PDZRN4: variants seen among roughly 807,000 people sequenced by gnomAD.
The protein encoded by PDZRN4 is PDZ domain-containing RING finger protein 4.
PDZRN4 carries 70 observed loss-of-function variants against 99.0 expected under a neutral mutation model. The ratio of observed to expected loss-of-function variants is 0.71; its 90% confidence interval spans 0.58 to 0.86. The LOEUF (loss-of-function observed/expected upper bound fraction) is 0.86. Ranked by LOEUF, PDZRN4 falls within the 40% of genes least tolerant of loss-of-function variation. The pLI is 0.00. For synonymous variants in PDZRN4, 551 were observed against 501.6 expected (o/e 1.10, Z -1.32); for missense variants, 1,474 against 1,331.2 (o/e 1.11, Z -1.67).
rs200348330 is a variant in PDZRN4 at position 41,311,272 on chromosome 12, T to A, written c.843+117084T>A. On this transcript the variant is annotated intron_variant, in intron 3 of 9. Coordinates refer to ENST00000402685, the MANE Select transcript of PDZRN4 (RefSeq NM_001164595.2). The stretch of plus-strand genomic sequence containing the variant: ...ATGTCTATGCTATAAGCAATGAGAA[T>A]TTTTTTTTTTCAGAAAAAAAAATCC... Among the ~76,000 whole-genome samples, 4 of 1,202 alleles carry A rather than the reference T, an allele frequency of 3.3e-3. No homozygotes were observed. The Non-Finnish European group carries it at 0.4, about 120-fold the overall frequency. The allele number at this position is 1,202 out of a possible 152,430, so 0.8% of individuals were successfully genotyped here. A position where few individuals can be genotyped will look rare whatever the true frequency, so the allele number is the denominator to read the frequency against.
At chr12:41,355,054 A>G (rs1186578983) in intron 3 of PDZRN4, among the ~76,000 whole-genome samples, 1 of 151,986 alleles carries the variant, frequency 6.6e-6, no homozygotes, top group Non-Finnish European at 1.5e-5. Flanking sequence ...GCCACCGACT[A>G]AGTGTTTGCT....
At chr12:41,197,569 G>C (rs921926404) in intron 3 of PDZRN4, among the ~76,000 whole-genome samples, 3 of 152,136 alleles carry the variant, frequency 2.0e-5, no homozygotes, top group Admixed American at 1.3e-4. Context: ...GTTACACTAG[G>C]TGTCAAAATA....
intron 3 of PDZRN4, among the ~76,000 whole-genome samples, chr12:41,288,650 C>T (rs1951436885): frequency 6.6e-6 from 1 of 152,084 alleles, no homozygotes; most frequent in African/African-American, 2.4e-5. Flanking sequence ...TCAATAAATC[C>T]TCACTGTTGT....
intron 3 of PDZRN4, among the ~76,000 whole-genome samples, chr12:41,254,076 A>C (rs1018883419): frequency 6.6e-6 from 1 of 151,506 alleles, no homozygotes; most frequent in Non-Finnish European, 1.5e-5. Flanking sequence ...TGTGTTTATT[A>C]CCTTTGAACT....
chr12:41,455,008 A>G (rs1336562265), intron 3 of PDZRN4, among the ~76,000 whole-genome samples: 1 of 152,256 alleles, frequency 6.6e-6, no homozygotes, highest in Non-Finnish European at 1.5e-5. Flanking sequence ...TTCAGTTGCC[A>G]CATGTGGCTA....
intron 3 of PDZRN4, among the ~76,000 whole-genome samples, chr12:41,272,439 T>C (rs1310189409): frequency 1.3e-5 from 2 of 152,240 alleles, no homozygotes; most frequent in East Asian, 1.9e-4. Context: ...GTTTGACTTA[T>C]TAATTTTAAA....
At chr12:41,379,572 C>T (rs2121098872) in intron 3 of PDZRN4, among the ~76,000 whole-genome samples, 1 of 151,684 alleles carries the variant, frequency 6.6e-6, no homozygotes, top group South Asian at 2.1e-4. Flanking sequence ...TTGTTCATAT[C>T]ACAATTTTTT....
chr12:41,259,371 T>C (rs1482061362), intron 3 of PDZRN4, among the ~76,000 whole-genome samples: 1 of 151,896 alleles, frequency 6.6e-6, no homozygotes, highest in Admixed American at 6.6e-5. Context: ...AGATGCAGAG[T>C]GAGGGACATG....
intron 3 of PDZRN4, among the ~76,000 whole-genome samples, chr12:41,453,194 CCCCCCG>C (rs1952789383): frequency 6.6e-6 from 1 of 152,094 alleles, no homozygotes; most frequent in Non-Finnish European, 1.5e-5. Flanking sequence ...GCAGCCCATG[CCCCCCG>C]CCCCTGGGGG....
chr12:41,253,160 C>T (rs1415983216), intron 3 of PDZRN4, among the ~76,000 whole-genome samples: 1 of 152,128 alleles, frequency 6.6e-6, no homozygotes, highest in Non-Finnish European at 1.5e-5. Flanking sequence ...TGTGCAGGAG[C>T]TTTTTAACTT....
intron 3 of PDZRN4, among the ~76,000 whole-genome samples, chr12:41,477,675 A>T (rs1040389709): frequency 2.0e-5 from 3 of 152,188 alleles, no homozygotes; most frequent in African/African-American, 7.2e-5. Flanking sequence ...AACTGGCATG[A>T]TGTACAATAT....
intron 3 of PDZRN4, among the ~76,000 whole-genome samples, chr12:41,236,907 G>T (rs183704485): frequency 7.2e-5 from 11 of 152,006 alleles, no homozygotes; most frequent in African/African-American, 2.4e-4. Context: ...TATTTTATGT[G>T]TGGGGTTTAT....
intron 3 of PDZRN4, among the ~76,000 whole-genome samples, chr12:41,322,447 T>C (rs1951685114): frequency 6.6e-6 from 1 of 151,692 alleles, no homozygotes; most frequent in African/African-American, 2.4e-5. Flanking sequence ...TATTATGGAA[T>C]GTTGTATAAA....
At chr12:41,293,427 C>A (rs1592000549) in intron 3 of PDZRN4, among the ~76,000 whole-genome samples, 1 of 151,706 alleles carries the variant, frequency 6.6e-6, no homozygotes, top group African/African-American at 2.4e-5. Flanking sequence ...TCCCCTACTA[C>A]CTGCGCTCCT....
At position 41,506,534 on chromosome 12, in the gene PDZRN4, G is replaced by T; in HGVS notation, c.922G>T (p.Val308Leu). ...TCGCAATGCCAAGGAGCCCATTGTG[G>T]TGCAGGTGTTAAGGCGAACACCTCT... ...AFRNAKEPIV[V>L]QVLRRTPLSR... The change falls in exon 4 of 10, where the codon GTG (valine) becomes TTG (leucine). Residue 308 changes from valine (V) to leucine (L), a missense_variant. By Grantham distance (32) the Val-to-Leu change is conservative. Coordinates refer to ENST00000402685, the MANE Select transcript of PDZRN4 (RefSeq NM_001164595.2). 6.2e-7 allele frequency: 1 copy of T among 1,613,802 alleles called. No homozygotes were observed. Among genetic ancestry groups the T allele is most frequent in the East Asian group, 2.2e-5 (1 of 44,822 alleles).
In PDZRN4 at chr12:41,497,210, A is replaced by T. The variant is rs1938023300; in HGVS notation, c.844-9246A>T. On this transcript the variant is annotated intron_variant, in intron 3 of 9. Coordinates refer to ENST00000402685, the MANE Select transcript of PDZRN4 (RefSeq NM_001164595.2). ...TCCTCTTGTTCAATGGATATGAAAGATGAATAGCTCTGTCCAAATCCTCAG... is the reference window on the plus strand; with the variant it reads ...TCCTCTTGTTCAATGGATATGAAAGTTGAATAGCTCTGTCCAAATCCTCAG... Among the ~76,000 whole-genome samples, 3 of 152,134 alleles carry T rather than the reference A, an allele frequency of 2.0e-5. No individual in the cohort carries two copies. In the South Asian group the frequency reaches 6.2e-4, roughly 31 times the overall value.
chr12:41,233,993 A>G (rs1469605165), intron 3 of PDZRN4, among the ~76,000 whole-genome samples: 1 of 152,034 alleles, frequency 6.6e-6, no homozygotes, highest in Non-Finnish European at 1.5e-5. Flanking sequence ...GTAGCAGAGA[A>G]TCACTCTCTG....
chr12:41,202,083 A>G (rs1950820239), intron 3 of PDZRN4, among the ~76,000 whole-genome samples: 1 of 152,174 alleles, frequency 6.6e-6, no homozygotes, highest in African/African-American at 2.4e-5. Context: ...GATTGATTGC[A>G]GAGGAACTAA....
intron 3 of PDZRN4, among the ~76,000 whole-genome samples, chr12:41,445,014 C>A (rs1306869469): frequency 1.3e-5 from 2 of 151,700 alleles, no homozygotes; most frequent in Non-Finnish European, 2.9e-5. Flanking sequence ...ATAGAAAGAT[C>A]AAAATATCAT....
Sources: gnomAD v4.1 joint callset for allele counts (sites outside exome capture counted in the v4.1 genomes callset) on GRCh38, gnomAD v4.1.1 for gene constraint, MANE v1.5 for transcripts, NCBI Gene and HGNC (gene_info 2026-07-23, HGNC 2026-07-21) for gene names.